Variants in FHL2 observed in about 807,000 individuals in gnomAD.
FHL2 encodes four and a half LIM domains protein 2.
FHL2 carries 20 observed loss-of-function variants against 32.7 expected under a neutral mutation model. That is an observed-to-expected ratio of 0.61 (90% CI 0.43 to 0.89). FHL2 has a LOEUF of 0.89. Ranked by LOEUF, FHL2 falls within the 40% of genes least tolerant of loss-of-function variation. The pLI is 0.00. For missense variants in FHL2, 311 were observed against 358.6 expected, an observed-to-expected ratio of 0.87 and a Z score of 1.07; for synonymous variants, 123 against 128.1, an observed-to-expected ratio of 0.96 and a Z score of 0.27.
intron 5 of FHL2, among the ~76,000 whole-genome samples, chr2:105,363,795 G>A (rs962851741): frequency 3.3e-5 from 5 of 152,182 alleles, no homozygotes; most frequent in African/African-American, 4.8e-5. Context: ...CACAGTGGAG[G>A]GGTCGGGATT....
upstream of FHL2, among the ~76,000 whole-genome samples, chr2:105,402,106 C>CATATATATACATATAT (rs1683489183): frequency 1.4e-5 from 2 of 146,400 alleles, no homozygotes; most frequent in African/African-American, 2.5e-5. Context: ...TGTATATATA[C>CATATATATACATATAT]ACGTATATAT....
chr2:105,414,787 A>G (rs915693371), intron 1 of FHL2, among the ~76,000 whole-genome samples: 4 of 152,208 alleles, frequency 2.6e-5, no homozygotes, highest in African/African-American at 9.7e-5. Context: ...TTCTGGCTTC[A>G]AGTGATCCAC....
intron 3 of FHL2, among the ~76,000 whole-genome samples, chr2:105,381,456 G>A (rs1681880862): frequency 6.6e-6 from 1 of 152,130 alleles, no homozygotes; most frequent in African/African-American, 2.4e-5. Flanking sequence ...CGCGCAGCTT[G>A]TCAAAGGTGG....
intron 1 of FHL2, among the ~76,000 whole-genome samples, chr2:105,421,072 C>T (rs993035811): frequency 6.6e-6 from 1 of 152,232 alleles, no homozygotes; most frequent in African/African-American, 2.4e-5. Context: ...CTGTCCTATA[C>T]TGGATCCAGC....
intron 1 of FHL2, among the ~76,000 whole-genome samples, chr2:105,414,721 T>A (rs938404715): frequency 6.6e-6 from 1 of 152,218 alleles, no homozygotes; most frequent in Admixed American, 6.5e-5. Flanking sequence ...TCCAGCTAAT[T>A]TTTATATTTT....
At chr2:105,390,454 C>T (rs1457448439) in intron 2 of FHL2, among the ~76,000 whole-genome samples, 1 of 152,212 alleles carries the variant, frequency 6.6e-6, no homozygotes, top group African/African-American at 2.4e-5. Flanking sequence ...TGTGGTTCAG[C>T]TCCTAATTCT....
intron 1 of FHL2, among the ~76,000 whole-genome samples, chr2:105,413,211 C>A (rs11892727): frequency 0.017 from 2,636 of 152,204 alleles, 84 homozygotes; most frequent in African/African-American, 0.06. Context: ...ACAAGAAATA[C>A]AATAGTCAAA....
At chr2:105,394,046 C>A (rs1246871842) in intron 2 of FHL2, among the ~76,000 whole-genome samples, 1 of 152,148 alleles carries the variant, frequency 6.6e-6, no homozygotes, top group African/African-American at 2.4e-5. Flanking sequence ...ACATGTGATG[C>A]CTATAATCAA....
chr2:105,423,304 A>G (rs1254723587), intron 1 of FHL2, among the ~76,000 whole-genome samples: 1 of 152,242 alleles, frequency 6.6e-6, no homozygotes, highest in Non-Finnish European at 1.5e-5. Flanking sequence ...TGAAGATTTC[A>G]TAAACCTATT....
chr2:105,362,105 T>C (rs1029411933), intron 6 of FHL2, among the ~76,000 whole-genome samples: 1 of 152,240 alleles, frequency 6.6e-6, no homozygotes. Flanking sequence ...TTTATATAGA[T>C]TGTATCACTT....
intron 1 of FHL2, among the ~76,000 whole-genome samples, chr2:105,413,681 T>C (rs1243419477): frequency 6.6e-6 from 1 of 152,174 alleles, no homozygotes; most frequent in Admixed American, 6.5e-5. Flanking sequence ...GGTCTTGCTA[T>C]GTTGCCCGGG....
intron 3 of FHL2, 194 bp downstream of exon 3, chr2:105,386,167 C>A: frequency 1.8e-6 from 1 of 550,182 alleles, no homozygotes; most frequent in Non-Finnish European, 3.1e-6. Context: ...AAGGCCCTCA[C>A]CCAGTGCTTG....
chr2:105,399,284 G>A, upstream of FHL2: 1 of 1,535,834 alleles, frequency 6.5e-7, no homozygotes, highest in Non-Finnish European at 8.7e-7. Flanking sequence ...GTAGTTATCG[G>A]GAGCGTCGCC....
chr2:105,411,041 T>A (rs1683773476), intron 1 of FHL2, among the ~76,000 whole-genome samples: 1 of 152,198 alleles, frequency 6.6e-6, no homozygotes, highest in South Asian at 2.1e-4. Flanking sequence ...GCTTATTGAA[T>A]CTTTGTGAAA....
intron 1 of FHL2, among the ~76,000 whole-genome samples, chr2:105,415,043 G>T (rs1683895388): frequency 6.6e-6 from 1 of 152,162 alleles, no homozygotes; most frequent in South Asian, 2.1e-4. Flanking sequence ...GTATATGTTT[G>T]TTGTACACAA....
chr2:105,396,994 T>C, intron 1 of FHL2: 1 of 236,446 alleles, frequency 4.2e-6, no homozygotes, highest in Non-Finnish European at 7.7e-6. Flanking sequence ...AGTAAACTAC[T>C]CCTGATATCT....
intron 1 of FHL2, among the ~76,000 whole-genome samples, chr2:105,431,611 C>T (rs928180638): frequency 6.6e-6 from 1 of 152,158 alleles, no homozygotes; most frequent in Non-Finnish European, 1.5e-5. Flanking sequence ...GAGATGAGGT[C>T]AGATTCCTAG....
At chr2:105,430,404 C>T (rs57010949) in intron 1 of FHL2, among the ~76,000 whole-genome samples, 32,741 of 152,176 alleles carry the variant, frequency 0.22, 3,546 homozygotes, top group Admixed American at 0.26. Context: ...AGGTGGCTCA[C>T]GCCTGTAATC....
At chr2:105,370,151 T>C (rs1680929014) in intron 4 of FHL2, among the ~76,000 whole-genome samples, 1 of 151,808 alleles carries the variant, frequency 6.6e-6, no homozygotes, top group Admixed American at 6.6e-5. Flanking sequence ...AGGCGGGAGA[T>C]CTCTTGAGCC....
Sources: allele counts gnomAD v4.1 joint callset (sites outside exome capture counted in the v4.1 genomes callset), GRCh38; gene constraint gnomAD v4.1.1; transcripts MANE v1.5; gene names NCBI Gene and HGNC (gene_info 2026-07-23, HGNC 2026-07-21).